GATA4: variants seen among roughly 807,000 people sequenced by gnomAD.
GATA4 encodes the protein transcription factor GATA-4.
Under a neutral mutation model 37.9 loss-of-function variants are expected in GATA4, and 7 were observed. The observed-to-expected ratio is 0.18, with a 90% confidence interval of 0.11 to 0.35. GATA4 has a LOEUF of 0.35. Ranked by LOEUF, GATA4 falls within the 10% of genes least tolerant of loss-of-function variation. The pLI, the probability that GATA4 is intolerant of heterozygous loss-of-function variation, is 1.00. For synonymous variants in GATA4, 372 were observed against 292.6 expected, an observed-to-expected ratio of 1.27 and a Z score of -2.77; for missense variants, 647 against 653.0, an observed-to-expected ratio of 0.99 and a Z score of 0.10.
At chr8:11,696,431 G>C (rs79684456) in intron 1 of GATA4, among the ~76,000 whole-genome samples, 1 of 10 alleles carries the variant, frequency 0.1, no homozygotes, top group Admixed American at 0.5. Context: ...TAGTGTTGCT[G>C]GGGTGTTTGT....
intron 2 of GATA4, among the ~76,000 whole-genome samples, chr8:11,714,735 C>T (rs1303607807): frequency 6.6e-6 from 1 of 152,174 alleles, no homozygotes; most frequent in Non-Finnish European, 1.5e-5. Context: ...TGGAATGATG[C>T]CCGGGAGACA....
rs1472727079 is a variant in GATA4, at chr8:11,743,060, C to T, written c.617-5856C>T. On this transcript the variant is annotated intron_variant, in intron 2 of 6. Transcript: ENST00000532059. ...CTCTTGTGTAGCACTGCCCAGCTGCCCCGGGCACGGGCCCTTTCCACTGTT... is the reference window on the plus strand; with the variant it reads ...CTCTTGTGTAGCACTGCCCAGCTGCTCCGGGCACGGGCCCTTTCCACTGTT... Among the ~76,000 whole-genome samples, 7 of 152,366 alleles carry T rather than the reference C, an allele frequency of 4.6e-5. No homozygotes were observed. In the East Asian group the frequency reaches 1.3e-3, roughly 29 times the overall value.
chr8:11,758,550 C>T lies in GATA4; in HGVS notation c.*75C>T, dbSNP rs772690686. 9.7e-5 allele frequency: 143 copies of T among 1,481,686 alleles called. No individual in the cohort carries two copies. Among genetic ancestry groups the T allele is most frequent in the Non-Finnish European group, 1.2e-4 (130 of 1,060,856 alleles). 91.8% of individuals were successfully genotyped at this position (1,481,686 alleles called of 1,614,324 possible). A position where few individuals can be genotyped will look rare whatever the true frequency, so the allele number is the denominator to read the frequency against. On this transcript the variant is annotated 3_prime_UTR_variant, in exon 7 of 7. Transcript: ENST00000532059. The stretch of plus-strand genomic sequence containing the variant: ...ATAGCAAAGAAGGAGGCCCTGGGCT[C>T]CCAGGGGCCGGCCTCCTCTGCCTGG...
chr8:11,679,879 A>C (rs1185956798), intron 1 of GATA4, among the ~76,000 whole-genome samples: 1 of 152,232 alleles, frequency 6.6e-6, no homozygotes, highest in African/African-American at 2.4e-5. Context: ...AGAGGGTAAC[A>C]GTATTGTTAA....
intron 2 of GATA4, among the ~76,000 whole-genome samples, chr8:11,721,845 A>G (rs2130148541): frequency 6.6e-6 from 1 of 152,312 alleles, no homozygotes; most frequent in South Asian, 2.1e-4. Context: ...ACTATGATGC[A>G]AGGATGGATT....
chr8:11,714,912 A>C lies in GATA4; in HGVS notation c.616+5984A>C, dbSNP rs148580168. Among the ~76,000 whole-genome samples, 1,045 of 152,312 alleles carry C rather than the reference A, an allele frequency of 6.9e-3. 4 individuals are homozygous for C. Among genetic ancestry groups the C allele is most frequent in the Non-Finnish European group, 9.8e-3 (666 of 68,026 alleles). On this transcript the variant is annotated intron_variant, in intron 2 of 6. Transcript: ENST00000532059. ...GAGAGTCTTAGGTGTAGTAGCCATAAAATTGCAAAGTAGACAGCCTGGACT... is the reference window on the plus strand; with the variant it reads ...GAGAGTCTTAGGTGTAGTAGCCATACAATTGCAAAGTAGACAGCCTGGACT...
rs1306584153 is a variant in GATA4, at chr8:11,749,837, G to A, written c.787-274G>A. 3.3e-5 allele frequency among the ~76,000 whole-genome samples: 5 copies of A among 152,198 alleles called. No homozygotes were observed. The highest frequency in any genetic ancestry group is 2.9e-5 in the Non-Finnish European group (2 of 68,036). On this transcript the variant is annotated intron_variant, in intron 3 of 6. Coordinates refer to ENST00000532059, the MANE Select transcript of GATA4 (RefSeq NM_001308093.3). This position sits in a 1 kb window ranked among gnomAD's most constrained non-coding sequence, Gnocchi z 4.6. ...AGTGCCCGGCGCTCACTGGTTATTCGCCTGACGGTGAATGATGGTTAGGAC... is the reference window on the plus strand; with the variant it reads ...AGTGCCCGGCGCTCACTGGTTATTCACCTGACGGTGAATGATGGTTAGGAC...
intron 2 of GATA4, among the ~76,000 whole-genome samples, chr8:11,747,844 T>C (rs541631876): frequency 6.6e-6 from 1 of 152,362 alleles, no homozygotes; most frequent in East Asian, 1.9e-4. Flanking sequence ...AAAATGAGTT[T>C]ATAAAGAATT....
upstream of GATA4, chr8:11,692,095 A>G (rs1799331588): frequency 1.0e-6 from 1 of 974,984 alleles, no homozygotes; most frequent in Non-Finnish European, 1.2e-6. Context: ...GGAAGGTGAC[A>G]GGTGAGGCAG....
At chr8:11,680,864 A>C (rs898725869) in intron 1 of GATA4, 8 of 984,876 alleles carry the variant, frequency 8.1e-6, no homozygotes, top group African/African-American at 1.8e-5. Context: ...CCCCTGACCC[A>C]TTTCTTCTCA....
intron 4 of GATA4, among the ~76,000 whole-genome samples, chr8:11,754,136 T>C (rs1585696398): frequency 6.6e-6 from 1 of 152,218 alleles, no homozygotes; most frequent in Non-Finnish European, 1.5e-5. Flanking sequence ...CTGCAATAAG[T>C]AGAGTGATGT....
At chr8:11,742,324 C>T (rs1161770103) in intron 2 of GATA4, among the ~76,000 whole-genome samples, 1 of 151,948 alleles carries the variant, frequency 6.6e-6, no homozygotes, top group African/African-American at 2.4e-5. Context: ...TGTTCTTCAA[C>T]CTCTTCCTCC....
At chr8:11,694,100 G>A (rs922051287) in intron 1 of GATA4, among the ~76,000 whole-genome samples, 1 of 152,106 alleles carries the variant, frequency 6.6e-6, no homozygotes, top group Non-Finnish European at 1.5e-5. Context: ...GTCTGCCAGC[G>A]CTCACTCCTG....
intron 2 of GATA4, among the ~76,000 whole-genome samples, chr8:11,726,733 C>T (rs867297603): frequency 9.9e-5 from 15 of 152,132 alleles, no homozygotes; most frequent in Middle Eastern, 3.2e-3. Context: ...AGTGGATAGG[C>T]GTGTGCCCCC....
In GATA4 at chr8:11,707,584, C is replaced by G. The variant is rs1321269379; in HGVS notation, c.-457-272C>G. On this transcript the variant is annotated intron_variant, in intron 1 of 6. Transcript: ENST00000532059. This position sits in a 1 kb window ranked among gnomAD's most constrained non-coding sequence, Gnocchi z 4.7. The stretch of plus-strand genomic sequence containing the variant: ...TGACAAGCAATACAAAAATCATTGA[C>G]CAAGATCACAACCAATAACTGCACA... Among the ~76,000 whole-genome samples, 1 of 152,298 alleles carries G rather than the reference C, an allele frequency of 6.6e-6. No homozygotes were observed. Among genetic ancestry groups the G allele is most frequent in the East Asian group, 1.9e-4 (1 of 5,184 alleles).
intron 2 of GATA4, among the ~76,000 whole-genome samples, chr8:11,728,227 G>C (rs541512107): frequency 3.9e-5 from 6 of 152,242 alleles, no homozygotes; most frequent in African/African-American, 1.4e-4. Flanking sequence ...TATGTCAGGT[G>C]ATCCACCGCC....
intron 2 of GATA4, among the ~76,000 whole-genome samples, chr8:11,718,053 G>T (rs1004902569): frequency 2.0e-5 from 3 of 152,148 alleles, no homozygotes; most frequent in African/African-American, 7.2e-5. Context: ...TTTCTCTGAA[G>T]ATTTCAAATA....
At position 11,750,224 on chromosome 8, in the gene GATA4, G is replaced by T. The variant is rs1248046586; in HGVS notation, c.900G>T (p.Met300Ile). ...TGTGCAATGCCTGCGGCCTCTACAT[G>T]AAGCTCCACGGGGTACGTGGGTCCT... ...EPVCNACGLY[M>I]KLHGVPRPLA... Residue 300 changes from methionine to isoleucine, a missense_variant, in exon 4 of 7, where the codon ATG becomes ATT. This residue lies in a region of GATA4 where 21 missense variants were observed against 62.6 expected (regional missense o/e 0.34). Coordinates refer to ENST00000532059, the MANE Select transcript of GATA4 (RefSeq NM_001308093.3). The T allele has an allele frequency of 6.2e-7, 1 of 1,613,116 alleles. No individual in the cohort carries two copies.
At chr8:11,678,726 G>A (rs1290774728) in intron 1 of GATA4, among the ~76,000 whole-genome samples, 2 of 152,054 alleles carry the variant, frequency 1.3e-5, no homozygotes, top group Non-Finnish European at 2.9e-5. Context: ...TTGATAAATC[G>A]GTCTACAGTA....
Sources: gnomAD v4.1 joint callset for allele counts (sites outside exome capture counted in the v4.1 genomes callset) on GRCh38, gnomAD v4.1.1 for gene constraint, gnomAD v4.1.1 regional missense constraint, Gnocchi (gnomAD v3.1) non-coding constraint, MANE v1.5 for transcripts, NCBI Gene and HGNC (gene_info 2026-07-23, HGNC 2026-07-21) for gene names.